ATRN: variants seen among roughly 807,000 people sequenced by gnomAD.
ATRN encodes the protein attractin-2.
A neutral mutation model predicts 178.7 loss-of-function variants in ATRN; 54 were observed. The observed-to-expected ratio is 0.30, with a 90% CI of 0.24 to 0.38. ATRN has a LOEUF of 0.38. ATRN is among the 10% of genes least tolerant of loss of function. ATRN has a pLI of 1.00. For missense variants in ATRN, 1,443 were observed against 1,815.1 expected (o/e 0.79, Z 3.73); for synonymous variants, 636 against 663.0 (o/e 0.96, Z 0.63).
Position 3,575,935 on chromosome 20 carries a change from G to T in ATRN, c.2201G>T (p.Cys734Phe). The change falls in exon 13 of 29, where the codon TGC becomes TTC. Residue 734 changes from cysteine to phenylalanine, a missense_variant. Cys to Phe is a radical substitution (Grantham distance 205, BLOSUM62 -2). Coordinates refer to ENST00000262919, the MANE Select transcript of ATRN (RefSeq NM_139321.3). ...CATTGTGTCCCCAGGAACCACAGCT[G>T]CTCAGAAGGCCAGGTCAGAGGCTGT... ...NDHCVPRNHS[C>F]SEGQISIFRY... The T allele has an allele frequency of 6.2e-7, 1 of 1,613,654 alleles. No homozygotes were observed. The highest frequency in any genetic ancestry group is 1.3e-5 in the African/African-American group (1 of 75,026).
chr20:3,604,098 T>G lies in ATRN; in HGVS notation c.3644-7T>G. ...GTCTCTTCTCTTTCATGTTTTTCTT[T>G]TAACAGCTGGAACCCAGGCTGGAGA... is the stretch of plus-strand genomic sequence containing the variant. On this transcript the variant is annotated splice_region_variant and splice_polypyrimidine_tract_variant and intron_variant, in intron 23 of 28. Coordinates refer to ENST00000262919, the MANE Select transcript of ATRN (RefSeq NM_139321.3). 1 of 1,569,106 alleles carries G rather than the reference T, an allele frequency of 6.4e-7. No homozygotes were observed. The highest frequency in any genetic ancestry group is 8.6e-7 in the Non-Finnish European group (1 of 1,164,456).
chr20:3,593,487 G>A (rs966611162), intron 19 of ATRN, among the ~76,000 whole-genome samples: 1 of 152,154 alleles, frequency 6.6e-6, no homozygotes, highest in African/African-American at 2.4e-5. Flanking sequence ...AACTCAGAAA[G>A]GTTAAGTAGC....
chr20:3,535,449 A>G (rs1430284848), intron 2 of ATRN, 113 bp downstream of exon 2: 1 of 424,068 alleles, frequency 2.4e-6, no homozygotes, highest in Non-Finnish European at 4.1e-6. Context: ...TTAAAACATT[A>G]CTTGATAACC....
At chr20:3,546,508 C>G (rs1221834899) in intron 4 of ATRN, among the ~76,000 whole-genome samples, 1 of 151,016 alleles carries the variant, frequency 6.6e-6, no homozygotes, top group African/African-American at 2.4e-5. Context: ...TCTCCTGCCT[C>G]AGCCTCTTGA....
chr20:3,603,554 A>G (rs1000019966), intron 23 of ATRN, among the ~76,000 whole-genome samples: 4 of 151,552 alleles, frequency 2.6e-5, no homozygotes, highest in African/African-American at 9.7e-5. Flanking sequence ...CAATGGCGCA[A>G]TCTTGGCTCA....
At position 3,591,153 on chromosome 20, in the gene ATRN, ACT is replaced by A; in HGVS notation, c.3185-13_3185-12del. On this transcript the variant is annotated splice_polypyrimidine_tract_variant and intron_variant, in intron 18 of 28. Transcript: ENST00000262919. ...TCTTCCATGGTACAGACCCCTTGAA[ACT>A]CTTTTTCTTGCAGCTTGCCAATGCA... 1.2e-6 allele frequency: 2 copies of A among 1,612,720 alleles called. No individual in the cohort carries two copies. Among genetic ancestry groups the A allele is most frequent in the African/African-American group, 1.3e-5 (1 of 74,806 alleles).
rs200588077 is a variant in ATRN at position 3,513,767 on chromosome 20, G to C, written c.411-21486G>C. Among the ~76,000 whole-genome samples, 659 of 152,088 alleles carry C rather than the reference G, an allele frequency of 4.3e-3. 4 individuals are homozygous for C. Among genetic ancestry groups the C allele is most frequent in the African/African-American group, 0.014 (598 of 41,484 alleles). On this transcript the variant is annotated intron_variant, in intron 1 of 28. Transcript: ENST00000262919. ...ATTTGTTTGTGCCCTCTTTTATTTC[G>C]TTGAGCAGTGGTTTGTAGTTCTCCT...
In ATRN at chr20:3,549,245, C is replaced by G. The variant is rs377163365; in HGVS notation, c.1019C>G (p.Pro340Arg). 30 of 1,610,656 alleles carry G rather than the reference C, an allele frequency of 1.9e-5. No individual in the cohort carries two copies. Among genetic ancestry groups the G allele is most frequent in the Non-Finnish European group, 2.4e-5 (28 of 1,178,712 alleles). ...TREEYSNLKL[P>R]RASHKAVVNG... ...GAGGAATATTCTAACTTAAAGCTCC[C>G]CAGAGCATCTCATAAAGCTGTGGTC... is the stretch of plus-strand genomic sequence containing the variant. Residue 340 changes from proline to arginine, a missense_variant, in exon 6 of 29, where the codon CCC becomes CGC. This residue lies in a region of ATRN where 862 missense variants were observed against 972.1 expected (regional missense o/e 0.89). Coordinates refer to ENST00000262919, the MANE Select transcript of ATRN (RefSeq NM_139321.3).
intron 11 of ATRN, among the ~76,000 whole-genome samples, chr20:3,569,104 A>G (rs1396200866): frequency 6.6e-6 from 1 of 152,216 alleles, no homozygotes; most frequent in Non-Finnish European, 1.5e-5. Context: ...TACTGCAAGT[A>G]TTGATTTTGG....
intron 1 of ATRN, among the ~76,000 whole-genome samples, chr20:3,517,703 G>A (rs1201433042): frequency 1.3e-5 from 2 of 151,170 alleles, no homozygotes; most frequent in South Asian, 2.1e-4. Context: ...CCCAGGAGAC[G>A]GAGGTTGCAG....
Position 3,645,776 on chromosome 20 carries a change from G to C in ATRN, c.4166-947G>C, listed in dbSNP as rs2087103154. ...ACCCCCACCCCCACTCCCCTTCACA[G>C]GCTCAACAAGGCAAGTAACACGCTC... On this transcript the variant is annotated intron_variant, in intron 28 of 28. Transcript: ENST00000262919. The surrounding 1 kb of genome is among the most constrained non-coding windows in gnomAD (Gnocchi z 4.7). 6.7e-6 allele frequency among the ~76,000 whole-genome samples: 1 copy of C among 148,962 alleles called. No homozygotes were observed. Among genetic ancestry groups the C allele is most frequent in the Non-Finnish European group, 1.5e-5 (1 of 67,604 alleles).
At chr20:3,506,560 G>T (rs1208124805) in intron 1 of ATRN, among the ~76,000 whole-genome samples, 2 of 151,702 alleles carry the variant, frequency 1.3e-5, no homozygotes, top group Non-Finnish European at 1.5e-5. Context: ...GGAGGCGGAG[G>T]CTGCAGTGAG....
At position 3,562,438 on chromosome 20, in the gene ATRN, A is replaced by G. The variant is rs755331623; in HGVS notation, c.1610A>G (p.Tyr537Cys). ...KYRLADDLYR[Y>C]DVDTQMWTIL... ...CGGCTTGCAGATGATCTCTACCGAT[A>G]TGATGTGGATACCCAGATGTGGTGG... Residue 537 changes from tyrosine (Y) to cysteine (C), a missense_variant, in exon 9 of 29, where the codon TAT becomes TGT. Physicochemically the swap from Tyr to Cys is radical, Grantham distance 194. Coordinates refer to ENST00000262919, the MANE Select transcript of ATRN (RefSeq NM_139321.3). The G allele has an allele frequency of 6.2e-7, 1 of 1,614,122 alleles. No individual in the cohort carries two copies.
intron 1 of ATRN, among the ~76,000 whole-genome samples, chr20:3,491,550 C>G (rs1460330232): frequency 6.6e-6 from 1 of 152,208 alleles, no homozygotes; most frequent in Non-Finnish European, 1.5e-5. Flanking sequence ...TGTGCATCTG[C>G]ACTCAATCGT....
intron 25 of ATRN, among the ~76,000 whole-genome samples, chr20:3,630,716 C>T (rs1007450835): frequency 3.3e-5 from 5 of 152,128 alleles, no homozygotes; most frequent in African/African-American, 1.2e-4. Context: ...GTGTAGTAAA[C>T]AAGGACAGAT....
At chr20:3,542,329 A>G (rs1237103924) in intron 3 of ATRN, among the ~76,000 whole-genome samples, 1 of 152,204 alleles carries the variant, frequency 6.6e-6, no homozygotes, top group Non-Finnish European at 1.5e-5. Context: ...TCAGCTTATC[A>G]GGAGCCTTGT....
At chr20:3,500,532 T>C (rs1242083332) in intron 1 of ATRN, among the ~76,000 whole-genome samples, 1 of 151,656 alleles carries the variant, frequency 6.6e-6, no homozygotes, top group Non-Finnish European at 1.5e-5. Flanking sequence ...TCATGTCCTT[T>C]GTAGGGACAT....
intron 20 of ATRN, 26 bp downstream of exon 20, chr20:3,594,598 C>T (rs531885354): frequency 3.8e-6 from 6 of 1,588,140 alleles, no homozygotes; most frequent in Admixed American, 1.7e-5. Context: ...CCTGGACCAC[C>T]AGGGAGGACC....
intron 18 of ATRN, among the ~76,000 whole-genome samples, chr20:3,589,185 A>T (rs558577217): frequency 1.3e-4 from 19 of 151,710 alleles, no homozygotes; most frequent in African/African-American, 4.3e-4. Flanking sequence ...TTTTTAGTAG[A>T]GACAGGGTTT....
Sources: gnomAD v4.1 joint callset for allele counts (sites outside exome capture counted in the v4.1 genomes callset) on GRCh38, gnomAD v4.1.1 for gene constraint, gnomAD v4.1.1 regional missense constraint, Gnocchi (gnomAD v3.1) non-coding constraint, MANE v1.5 for transcripts, NCBI Gene and HGNC (gene_info 2026-07-23, HGNC 2026-07-21) for gene names.